Variants in KAZN observed in about 807,000 individuals in gnomAD.
The protein encoded by KAZN is kazrin.
Under a neutral mutation model 87.4 loss-of-function variants are expected in KAZN, and 40 were observed. The ratio of observed to expected loss-of-function variants is 0.46; its 90% CI spans 0.36 to 0.60. KAZN has a LOEUF of 0.60. Among genes scored for constraint, KAZN ranks in the 20% least tolerant of loss-of-function variants. KAZN has a pLI of 0.00. For synonymous variants in KAZN, 466 were observed against 458.3 expected (o/e 1.02, Z -0.22); for missense variants, 898 against 1,073.9 (o/e 0.84, Z 2.29).
chr1:14,584,137 C>T (rs1675713313), intron 2 of KAZN, among the ~76,000 whole-genome samples: 1 of 152,202 alleles, frequency 6.6e-6, no homozygotes, highest in African/African-American at 2.4e-5. Flanking sequence ...CTCCCCACTC[C>T]ATGCACCTCT....
At chr1:14,232,220 G>T (rs1647926826) in intron 2 of KAZN, among the ~76,000 whole-genome samples, 1 of 152,188 alleles carries the variant, frequency 6.6e-6, no homozygotes, top group Non-Finnish European at 1.5e-5. Context: ...CAAAAGCAAA[G>T]AAACAAAGTT....
chr1:13,971,541 A>G (rs2101050300), intron 1 of KAZN, among the ~76,000 whole-genome samples: 1 of 152,086 alleles, frequency 6.6e-6, no homozygotes, highest in South Asian at 2.1e-4. Context: ...CCAGAACAAA[A>G]CACAGTGTGC....
At chr1:14,952,155 T>C (rs1662563530) in intron 1 of KAZN, among the ~76,000 whole-genome samples, 1 of 152,094 alleles carries the variant, frequency 6.6e-6, no homozygotes, top group Non-Finnish European at 1.5e-5. Flanking sequence ...GGCAGGTCAA[T>C]ACAGAGCTCT....
intron 2 of KAZN, among the ~76,000 whole-genome samples, chr1:14,976,851 G>A (rs573387601): frequency 1.7e-4 from 26 of 152,260 alleles, no homozygotes; most frequent in East Asian, 1.9e-4. Flanking sequence ...CAAGGAGTTC[G>A]AGACCAGTCT....
At chr1:14,544,756 G>A (rs1571901656) in intron 2 of KAZN, among the ~76,000 whole-genome samples, 1 of 145,742 alleles carries the variant, frequency 6.9e-6, no homozygotes, top group Non-Finnish European at 1.5e-5. Flanking sequence ...AAAAAAAAAA[G>A]ATTGGGTCTC....
intron 1 of KAZN, among the ~76,000 whole-genome samples, chr1:14,622,705 A>AAAAAAAATT (rs1553198500): frequency 1.3e-5 from 2 of 151,456 alleles, no homozygotes; most frequent in African/African-American, 2.4e-5. Context: ...AAAAAAAAAA[A>AAAAAAAATT]TTATGAAAAT....
upstream of KAZN, among the ~76,000 whole-genome samples, chr1:14,593,794 A>C (rs986427522): frequency 6.6e-6 from 1 of 152,236 alleles, no homozygotes; most frequent in African/African-American, 2.4e-5. Context: ...GAAAAGGCAA[A>C]GACCTTGAGG....
At chr1:14,143,791 C>T (rs1645290252) in intron 1 of KAZN, among the ~76,000 whole-genome samples, 1 of 148,876 alleles carries the variant, frequency 6.7e-6, no homozygotes, top group South Asian at 2.2e-4. Context: ...GATCTCGGCT[C>T]ACCACAGCCT....
intron 2 of KAZN, among the ~76,000 whole-genome samples, chr1:14,452,780 C>G (rs972148188): frequency 2.0e-5 from 3 of 152,164 alleles, no homozygotes; most frequent in Non-Finnish European, 4.4e-5. Context: ...CGGTGAGGAC[C>G]AAGCATCAAG....
chr1:14,384,917 T>C (rs888017360), intron 2 of KAZN, among the ~76,000 whole-genome samples: 10 of 151,790 alleles, frequency 6.6e-5, no homozygotes, highest in Non-Finnish European at 1.3e-4. Flanking sequence ...GTACCTCTGG[T>C]AGAATTCGGC....
intron 2 of KAZN, among the ~76,000 whole-genome samples, chr1:14,227,894 A>T (rs1647436987): frequency 6.6e-6 from 1 of 152,198 alleles, no homozygotes; most frequent in African/African-American, 2.4e-5. Context: ...CACACCGTTC[A>T]GCAGCATCTT....
intron 2 of KAZN, among the ~76,000 whole-genome samples, chr1:14,379,734 ACAC>A (rs1661213933): frequency 6.6e-6 from 1 of 152,188 alleles, no homozygotes; most frequent in Non-Finnish European, 1.5e-5. Context: ...GTACAATAGA[ACAC>A]CAGGTAGATT....
chr1:14,030,431 G>C (rs1641268885), intron 1 of KAZN, among the ~76,000 whole-genome samples: 1 of 130,856 alleles, frequency 7.6e-6, no homozygotes, highest in East Asian at 2.6e-4. Flanking sequence ...GGACTGTGGT[G>C]GGGTGGGGGG....
intron 2 of KAZN, among the ~76,000 whole-genome samples, chr1:14,482,721 T>A (rs1669148295): frequency 6.6e-6 from 1 of 152,008 alleles, no homozygotes; most frequent in Admixed American, 6.6e-5. Context: ...AGGAGAACAC[T>A]CTCTGAGAGC....
intron 1 of KAZN, among the ~76,000 whole-genome samples, chr1:14,606,000 A>T (rs2473628): frequency 2.6e-5 from 4 of 152,084 alleles, no homozygotes; most frequent in East Asian, 3.9e-4. Context: ...CTTATTGGGC[A>T]GGTACCATGC....
At chr1:14,958,145 G>A (rs892845544) in intron 1 of KAZN, among the ~76,000 whole-genome samples, 1 of 152,162 alleles carries the variant, frequency 6.6e-6, no homozygotes, top group Non-Finnish European at 1.5e-5. Flanking sequence ...GCTCAGCCTC[G>A]AGGCCAGTGG....
At chr1:14,380,265 C>G (rs1324198714) in intron 2 of KAZN, among the ~76,000 whole-genome samples, 1 of 152,100 alleles carries the variant, frequency 6.6e-6, no homozygotes, top group Non-Finnish European at 1.5e-5. Context: ...CAAACAAGCC[C>G]AGATAGAGAA....
At position 14,380,743 on chromosome 1, in the gene KAZN, G is replaced by A. The variant is rs114235176; in HGVS notation, c.249+200151G>A. Among the ~76,000 whole-genome samples, 337 of 152,014 alleles carry A rather than the reference G, an allele frequency of 2.2e-3. 1 individual carries two copies. Among genetic ancestry groups the A allele is most frequent in the African/African-American group, 7.2e-3 (297 of 41,438 alleles). On this transcript the variant is annotated intron_variant, in intron 2 of 16. Transcript: ENST00000636203. ...AGATCTAGAAAAATAGCCCCAAAAG[G>A]GCAAATCTAAAATTTATTAACCCTA...
At chr1:14,123,429 C>T (rs1240458232) in intron 1 of KAZN, among the ~76,000 whole-genome samples, 12 of 152,180 alleles carry the variant, frequency 7.9e-5, no homozygotes, top group Admixed American at 7.9e-4. Context: ...CTCCTAGCAT[C>T]TCTGTGACTC....
Sources: allele counts gnomAD v4.1 joint callset (sites outside exome capture counted in the v4.1 genomes callset), GRCh38; gene constraint gnomAD v4.1.1; transcripts MANE v1.5; gene names NCBI Gene and HGNC (gene_info 2026-07-23, HGNC 2026-07-21).